Variants in FAM229B observed in about 807,000 individuals in gnomAD.
FAM229B encodes the protein protein FAM229B.
In FAM229B, 2 loss-of-function variants were observed where a neutral mutation model predicts 6.7. The observed-to-expected ratio is 0.30, with a 90% CI of 0.12 to 0.94. FAM229B has a LOEUF of 0.94. Among genes scored for constraint, FAM229B ranks in the 40% least tolerant of loss-of-function variants. The pLI is 0.54. For synonymous variants in FAM229B, 29 were observed against 34.0 expected (o/e 0.85, Z 0.51); for missense variants, 93 against 96.2 (o/e 0.97, Z 0.14).
Position 112,100,900 on chromosome 6 carries a change from T to C in FAM229B, c.*113T>C. ...GGCACCTTTAGATGATGACAACAGT[T>C]GAGCTCTTTACTTTTAGTAAGACCG... On this transcript the variant is annotated 3_prime_UTR_variant, in exon 4 of 4. Transcript: ENST00000368656. 2.6e-6 allele frequency: 2 copies of C among 775,258 alleles called. No homozygotes were observed. Among genetic ancestry groups the C allele is most frequent in the Non-Finnish European group, 4.4e-6 (2 of 452,390 alleles). 48.0% of individuals were successfully genotyped at this position (775,258 alleles called of 1,614,324 possible).
At chr6:112,092,646 G>A (rs1583604243) in intron 1 of FAM229B, among the ~76,000 whole-genome samples, 1 of 151,938 alleles carries the variant, frequency 6.6e-6, no homozygotes, top group East Asian at 1.9e-4. Context: ...GAATATAGAA[G>A]GCATCTCTTG....
At position 112,102,379 on chromosome 6, in the gene FAM229B, G is replaced by C. The variant is rs6906094; in HGVS notation, c.*1592G>C. 0.22 allele frequency: 34,106 copies of C among 152,138 alleles called. 3,999 individuals carry two copies. The highest frequency in any genetic ancestry group is 0.32 in the East Asian group (1,657 of 5,158). 9.4% of individuals were successfully genotyped at this position (152,138 alleles called of 1,614,324 possible). ...AGGTGCCTGTAATTCCAGCTACTTG[G>C]GAGGCTGAGGCAGGAAAATAGCTTG... is the stretch of plus-strand genomic sequence containing the variant. On this transcript the variant is annotated 3_prime_UTR_variant, in exon 4 of 4. Transcript: ENST00000368656.
chr6:112,100,826 G>C lies in FAM229B; in HGVS notation c.*39G>C. On this transcript the variant is annotated 3_prime_UTR_variant, in exon 4 of 4. Transcript: ENST00000368656. ...TTTGTCAAGGTCTGACTAGGTCAAGGGTAATGGACCAGTATCATCTGGTGA... is the reference window on the plus strand; with the variant it reads ...TTTGTCAAGGTCTGACTAGGTCAAGCGTAATGGACCAGTATCATCTGGTGA... 7.0e-7 allele frequency: 1 copy of C among 1,429,150 alleles called. No individual in the cohort carries two copies. The highest frequency in any genetic ancestry group is 9.9e-7 in the Non-Finnish European group (1 of 1,012,382). The allele number at this position is 1,429,150 out of a possible 1,614,324, so 88.5% of individuals were successfully genotyped here. A position where few individuals can be genotyped will look rare whatever the true frequency, so the allele number is the denominator to read the frequency against.
At chr6:112,100,272 A>G (rs990746959) in intron 3 of FAM229B, among the ~76,000 whole-genome samples, 5 of 152,232 alleles carry the variant, frequency 3.3e-5, no homozygotes, top group African/African-American at 1.2e-4. Flanking sequence ...TTTGTATTTT[A>G]CCACAAACAT....
At position 112,102,414 on chromosome 6, in the gene FAM229B, G is replaced by A. The variant is rs1460111275; in HGVS notation, c.*1627G>A. 6.6e-6 allele frequency: 1 copy of A among 152,256 alleles called. No individual in the cohort carries two copies. The highest frequency in any genetic ancestry group is 2.4e-5 in the African/African-American group (1 of 41,440). 9.4% of individuals were successfully genotyped at this position (152,256 alleles called of 1,614,324 possible). On this transcript the variant is annotated 3_prime_UTR_variant, in exon 4 of 4. Transcript: ENST00000368656. ...GCAGGAAAATAGCTTGAACCCAGGA[G>A]GCAGAGGTTGCAGTGAGCTGAGATT...
At chr6:112,090,335 T>A (rs1269914642) in intron 1 of FAM229B, among the ~76,000 whole-genome samples, 2 of 152,226 alleles carry the variant, frequency 1.3e-5, no homozygotes, top group Non-Finnish European at 2.9e-5. Flanking sequence ...AATTCATTAG[T>A]TAAATCACAT....
chr6:112,097,882 G>GA (rs1777347500), intron 2 of FAM229B, among the ~76,000 whole-genome samples: 1 of 152,164 alleles, frequency 6.6e-6, no homozygotes, highest in Non-Finnish European at 1.5e-5. Flanking sequence ...AATGAGGGGG[G>GA]ATATTAAACA....
At chr6:112,088,827 A>G (rs1230542428) in intron 1 of FAM229B, among the ~76,000 whole-genome samples, 1 of 152,224 alleles carries the variant, frequency 6.6e-6, no homozygotes, top group Admixed American at 6.5e-5. Flanking sequence ...ATAGGTCTGT[A>G]TCAGTGTGTT....
intron 2 of FAM229B, among the ~76,000 whole-genome samples, chr6:112,099,009 C>G (rs1307465977): frequency 6.6e-6 from 1 of 152,058 alleles, no homozygotes; most frequent in Non-Finnish European, 1.5e-5. Context: ...ATTAAAAATT[C>G]CAAGGGCAGG....
chr6:112,089,862 TA>T lies in FAM229B; in HGVS notation c.-176+2151del, dbSNP rs72182231. Among the ~76,000 whole-genome samples the T allele has an allele frequency of 2.9e-3, 434 of 151,002 alleles. 2 individuals are homozygous for T. The highest frequency in any genetic ancestry group is 9.7e-3 in the African/African-American group (397 of 41,094). On this transcript the variant is annotated intron_variant, in intron 1 of 3. Coordinates refer to ENST00000368656, the MANE Select transcript of FAM229B (RefSeq NM_001033564.3). ...CAAATGGAGGAAAAAATGTACTTGA[TA>T]AAAAAAAAGGAAGAAAAATACATAG...
intron 2 of FAM229B, 98 bp from the exon 3 acceptor site, chr6:112,099,172 T>TATA: frequency 9.1e-7 from 1 of 1,100,812 alleles, no homozygotes; most frequent in Non-Finnish European, 1.3e-6. Flanking sequence ...TCTGACTCTT[T>TATA]AAAACATTCC....
At chr6:112,099,203 T>G in intron 2 of FAM229B, 67 bp from the exon 3 acceptor site, 1 of 1,380,582 alleles carries the variant, frequency 7.2e-7, no homozygotes, top group Non-Finnish European at 1.0e-6. Context: ...TTGAAGACAA[T>G]CTATCTCCAC....
intron 1 of FAM229B, among the ~76,000 whole-genome samples, chr6:112,095,769 T>C (rs587635280): frequency 6.6e-6 from 1 of 151,988 alleles, no homozygotes; most frequent in Admixed American, 6.5e-5. Context: ...TATTACATTT[T>C]TTGCCATCCT....
chr6:112,088,320 C>T (rs1464176535), intron 1 of FAM229B, among the ~76,000 whole-genome samples: 1 of 152,052 alleles, frequency 6.6e-6, no homozygotes, highest in Admixed American at 6.5e-5. Context: ...TGACAATTAC[C>T]AACTACTTAA....
chr6:112,092,623 T>G (rs1554318278), intron 1 of FAM229B, among the ~76,000 whole-genome samples: 1 of 152,018 alleles, frequency 6.6e-6, no homozygotes, highest in East Asian at 1.9e-4. Flanking sequence ...CTGAAAATGA[T>G]AAAAATGTAG....
At chr6:112,092,079 G>C (rs1777264106) in intron 1 of FAM229B, among the ~76,000 whole-genome samples, 1 of 152,000 alleles carries the variant, frequency 6.6e-6, no homozygotes, top group African/African-American at 2.4e-5. Context: ...GTGCACTGTG[G>C]GACAACTTTC....
intron 3 of FAM229B, among the ~76,000 whole-genome samples, chr6:112,100,378 G>C (rs1554319116): frequency 1.3e-5 from 2 of 152,188 alleles, no homozygotes; most frequent in Non-Finnish European, 2.9e-5. Flanking sequence ...ATGCACTTTT[G>C]TTTTGCCATT....
intron 3 of FAM229B, 58 bp from the exon 4 acceptor site, chr6:112,100,611 GA>G (rs1176050161): frequency 7.9e-5 from 95 of 1,204,050 alleles, no homozygotes; most frequent in Middle Eastern, 1.9e-4. Flanking sequence ...TTGGTGCTCT[GA>G]AAAAAAATAT....
intron 2 of FAM229B, among the ~76,000 whole-genome samples, chr6:112,098,907 T>G (rs1313249406): frequency 6.6e-6 from 1 of 152,220 alleles, no homozygotes; most frequent in Non-Finnish European, 1.5e-5. Flanking sequence ...AAGGGATAGT[T>G]GTGAAATACA....
Sources: allele counts gnomAD v4.1 joint callset (sites outside exome capture counted in the v4.1 genomes callset), GRCh38; gene constraint gnomAD v4.1.1; transcripts MANE v1.5; gene names NCBI Gene and HGNC (gene_info 2026-07-23, HGNC 2026-07-21).